The following UBE2E2 variants were observed in gnomAD, a reference collection of about 807,000 sequenced individuals.
UBE2E2 encodes ubiquitin-conjugating enzyme E2 E2.
A neutral mutation model predicts 24.7 loss-of-function variants in UBE2E2; 6 were observed. The observed-to-expected ratio is 0.24, with a 90% confidence interval of 0.13 to 0.48. The LOEUF (loss-of-function observed/expected upper bound fraction) is 0.48. Among genes scored for constraint, UBE2E2 ranks in the 20% least tolerant of loss-of-function variants. The probability of loss-of-function intolerance (pLI) is 0.99; values close to 1 mark genes in which losing one functional copy is unlikely to be tolerated. For synonymous variants in UBE2E2, 104 were observed against 83.6 expected, an observed-to-expected ratio of 1.24 and a Z score of -1.33; for missense variants, 169 against 245.0, an observed-to-expected ratio of 0.69 and a Z score of 2.07.
At chr3:23,238,478 C>T (rs989608381) in intron 3 of UBE2E2, among the ~76,000 whole-genome samples, 5 of 152,108 alleles carry the variant, frequency 3.3e-5, no homozygotes, top group Non-Finnish European at 5.9e-5. Flanking sequence ...TTAAAAGGAA[C>T]AAAACTTTGA....
At chr3:23,399,323 C>T (rs961132516) in intron 3 of UBE2E2, among the ~76,000 whole-genome samples, 6 of 152,150 alleles carry the variant, frequency 3.9e-5, no homozygotes, top group African/African-American at 1.4e-4. Context: ...GTTACTTGAA[C>T]ACAACACTGA....
intron 3 of UBE2E2, among the ~76,000 whole-genome samples, chr3:23,354,635 C>T (rs376297142): frequency 6.6e-6 from 1 of 152,178 alleles, no homozygotes; most frequent in African/African-American, 2.4e-5. Context: ...AAAATGCTCA[C>T]CATCACTGGC....
intron 5 of UBE2E2, among the ~76,000 whole-genome samples, chr3:23,541,507 G>A (rs1695396649): frequency 6.6e-6 from 1 of 152,186 alleles, no homozygotes; most frequent in African/African-American, 2.4e-5. Context: ...ACAATAAGCA[G>A]TACAAGAGTT....
intron 4 of UBE2E2, among the ~76,000 whole-genome samples, chr3:23,511,030 T>C (rs1000634412): frequency 8.5e-5 from 13 of 152,192 alleles, no homozygotes; most frequent in Non-Finnish European, 1.3e-4. Context: ...CATGCAGTGG[T>C]CTAGATACTG....
intron 3 of UBE2E2, among the ~76,000 whole-genome samples, chr3:23,269,378 G>T (rs1316201902): frequency 6.6e-6 from 1 of 152,196 alleles, no homozygotes; most frequent in Non-Finnish European, 1.5e-5. Flanking sequence ...CCCGCTTGGA[G>T]TTGGCGTGTA....
intron 3 of UBE2E2, among the ~76,000 whole-genome samples, chr3:23,236,395 T>C (rs1697113918): frequency 6.6e-6 from 1 of 152,074 alleles, no homozygotes. Context: ...GAGGGAAGGC[T>C]TTCCCTTAGA....
chr3:23,328,895 C>T (rs1694985254), intron 3 of UBE2E2, among the ~76,000 whole-genome samples: 1 of 152,190 alleles, frequency 6.6e-6, no homozygotes, highest in South Asian at 2.1e-4. Flanking sequence ...CGCCTGACCT[C>T]AAATGATCCG....
At chr3:23,293,262 C>G (rs970004588) in intron 3 of UBE2E2, among the ~76,000 whole-genome samples, 1 of 152,176 alleles carries the variant, frequency 6.6e-6, no homozygotes, top group African/African-American at 2.4e-5. Context: ...TTCAGTCTTT[C>G]TGTGTTTGGC....
At chr3:23,406,636 A>T (rs1697362321) in intron 3 of UBE2E2, among the ~76,000 whole-genome samples, 1 of 152,224 alleles carries the variant, frequency 6.6e-6, no homozygotes, top group African/African-American at 2.4e-5. Context: ...GAGAAGATTG[A>T]AACTAATAGT....
At chr3:23,440,651 G>A (rs889769922) in intron 3 of UBE2E2, among the ~76,000 whole-genome samples, 6 of 152,106 alleles carry the variant, frequency 3.9e-5, no homozygotes, top group Non-Finnish European at 7.4e-5. Flanking sequence ...CTGAGAAAAA[G>A]GATAAAGTAA....
chr3:23,340,516 C>T lies in UBE2E2; in HGVS notation c.227+123204C>T, dbSNP rs1257133517. Among the ~76,000 whole-genome samples, 3 of 151,696 alleles carry T rather than the reference C, an allele frequency of 2.0e-5. No individual in the cohort carries two copies. In the East Asian group the frequency reaches 5.8e-4, roughly 29 times the overall value. ...TAATCCTTTAAATAAATGTGCTTAACTACACTAAAATACATGTTTTAAAAT... is the reference window on the plus strand; with the variant it reads ...TAATCCTTTAAATAAATGTGCTTAATTACACTAAAATACATGTTTTAAAAT... On this transcript the variant is annotated intron_variant, in intron 3 of 5. Coordinates refer to ENST00000396703, the MANE Select transcript of UBE2E2 (RefSeq NM_152653.4).
chr3:23,375,228 G>C (rs949796909), intron 3 of UBE2E2, among the ~76,000 whole-genome samples: 12 of 152,116 alleles, frequency 7.9e-5, no homozygotes, highest in African/African-American at 2.9e-4. Context: ...GTGTACTCTT[G>C]TACTGAAATC....
rs1696696647 is a variant in UBE2E2, at chr3:23,589,037, G to C, written c.509-697G>C. Among the ~76,000 whole-genome samples, 1 of 152,022 alleles carries C rather than the reference G, an allele frequency of 6.6e-6. No individual in the cohort carries two copies. Among genetic ancestry groups the C allele is most frequent in the African/African-American group, 2.4e-5 (1 of 41,384 alleles). ...CTGTGGTGCTAGCCTAGGGTAAGGA[G>C]TTGTCCAGACCGCCAAACGTCTTCC... is the stretch of plus-strand genomic sequence containing the variant. On this transcript the variant is annotated intron_variant, in intron 5 of 5. Coordinates refer to ENST00000396703, the MANE Select transcript of UBE2E2 (RefSeq NM_152653.4). This position sits in a 1 kb window ranked among gnomAD's most constrained non-coding sequence, Gnocchi z 4.1.
intron 3 of UBE2E2, among the ~76,000 whole-genome samples, chr3:23,480,540 G>A (rs1447802949): frequency 2.6e-5 from 4 of 151,708 alleles, no homozygotes; most frequent in African/African-American, 9.7e-5. Context: ...TGCAGCCCTC[G>A]CTGCGCCTCC....
chr3:23,411,882 GAC>G (rs1186374928), intron 3 of UBE2E2, among the ~76,000 whole-genome samples: 19 of 152,140 alleles, frequency 1.2e-4, no homozygotes, highest in African/African-American at 4.6e-4. Context: ...GAAGATCTTT[GAC>G]ACATATTTAT....
intron 3 of UBE2E2, among the ~76,000 whole-genome samples, chr3:23,334,558 A>G (rs1205223312): frequency 1.3e-5 from 2 of 152,208 alleles, no homozygotes; most frequent in Non-Finnish European, 2.9e-5. Context: ...AAGAAATTAT[A>G]ACTATAATTT....
chr3:23,245,999 C>G lies in UBE2E2; in HGVS notation c.227+28687C>G, dbSNP rs541730433. ...GAAGCAGGAGACTTCAGGTGAATAG[C>G]TACCCATAAGTTGTTGAAAATAATC... is the stretch of plus-strand genomic sequence containing the variant. On this transcript the variant is annotated intron_variant, in intron 3 of 5. Transcript: ENST00000396703. 2.0e-5 allele frequency among the ~76,000 whole-genome samples: 3 copies of G among 152,282 alleles called. No individual in the cohort carries two copies. In the South Asian group the frequency reaches 6.2e-4, roughly 32 times the overall value.
At chr3:23,301,079 C>A (rs1343359321) in intron 3 of UBE2E2, among the ~76,000 whole-genome samples, 1 of 152,240 alleles carries the variant, frequency 6.6e-6, no homozygotes, top group Non-Finnish European at 1.5e-5. Flanking sequence ...ATCACATTGG[C>A]TCCTGAGTCT....
chr3:23,325,055 C>G (rs1434252566), intron 3 of UBE2E2, among the ~76,000 whole-genome samples: 1 of 152,120 alleles, frequency 6.6e-6, no homozygotes, highest in Admixed American at 6.5e-5. Flanking sequence ...TAAGCTGATA[C>G]AAAGTTGTTG....
Sources: allele counts gnomAD v4.1 joint callset (sites outside exome capture counted in the v4.1 genomes callset), GRCh38; gene constraint gnomAD v4.1.1; non-coding constraint Gnocchi (gnomAD v3.1); transcripts MANE v1.5; gene names NCBI Gene and HGNC (gene_info 2026-07-23, HGNC 2026-07-21).